The following SPIRE1 variants were observed in gnomAD, a reference collection of about 807,000 sequenced individuals.
SPIRE1 encodes spire type actin nucleation factor 1, also known as protein spire homolog 1.
In SPIRE1, 40 loss-of-function variants were observed where a neutral mutation model predicts 94.1. The observed-to-expected ratio is 0.43, with a 90% confidence interval of 0.33 to 0.55. SPIRE1 has a LOEUF of 0.55. Among genes scored for constraint, SPIRE1 ranks in the 20% least tolerant of loss-of-function variants. The pLI, the probability that SPIRE1 is intolerant of heterozygous loss-of-function variation, is 0.06. For missense variants in SPIRE1, 838 were observed against 975.2 expected (o/e 0.86, Z 1.87); for synonymous variants, 376 against 371.7 (o/e 1.01, Z -0.13).
rs370318744 is a variant in SPIRE1 at position 12,555,907 on chromosome 18, A to G, written c.373-9003T>C. On this transcript the variant is annotated intron_variant, in intron 2 of 16. Transcript: ENST00000409402. ...ACTTGCTTGCAGATGGTATGATCTTATATTTGGAAAAACCTAAATCTGAAC... is the reference window on the plus strand; with the variant it reads ...ACTTGCTTGCAGATGGTATGATCTTGTATTTGGAAAAACCTAAATCTGAAC... Among the ~76,000 whole-genome samples, 17 of 152,338 alleles carry G rather than the reference A, an allele frequency of 1.1e-4. No individual in the cohort carries two copies. In the Middle Eastern group the frequency reaches 0.01, roughly 91 times the overall value.
intron 6 of SPIRE1, among the ~76,000 whole-genome samples, chr18:12,500,645 A>G (rs559080974): frequency 1.3e-5 from 2 of 152,348 alleles, no homozygotes; most frequent in African/African-American, 4.8e-5. Flanking sequence ...CAGGTATTCA[A>G]ACAAAAATGC....
chr18:12,477,788 G>C (rs1334039562), intron 10 of SPIRE1, among the ~76,000 whole-genome samples: 1 of 152,162 alleles, frequency 6.6e-6, no homozygotes, highest in Non-Finnish European at 1.5e-5. Context: ...TAAGCACCAA[G>C]CTGAGCACCG....
At position 12,504,728 on chromosome 18, in the gene SPIRE1, A is replaced by G. The variant is rs542942769; in HGVS notation, c.972+1749T>C. ...AAGTTATTGTCTTTGTAAGGGAGAC[A>G]GACAATAAATCCGGAAATACACTGC... On this transcript the variant is annotated intron_variant, in intron 6 of 16. Transcript: ENST00000409402. 3.9e-5 allele frequency among the ~76,000 whole-genome samples: 6 copies of G among 152,334 alleles called. No homozygotes were observed. The East Asian group carries it at 1.2e-3, about 29-fold the overall frequency.
chr18:12,454,655 A>C, intron 12 of SPIRE1, 172 bp from the exon 13 acceptor site: 1 of 606,544 alleles, frequency 1.6e-6, no homozygotes, highest in Non-Finnish European at 2.9e-6. Context: ...TTCCAATTAC[A>C]CTAAGACTAA....
chr18:12,469,033 T>C (rs139987632), intron 10 of SPIRE1, among the ~76,000 whole-genome samples: 81 of 152,226 alleles, frequency 5.3e-4, no homozygotes, highest in African/African-American at 2.0e-3. Context: ...CACTGCCCTG[T>C]AGCCTGAGTG....
chr18:12,485,934 GT>G, intron 9 of SPIRE1, 24 bp downstream of exon 9: 1 of 1,518,030 alleles, frequency 6.6e-7, no homozygotes, highest in Non-Finnish European at 8.9e-7. Context: ...CACGTCAGGT[GT>G]AAAAGTGTTT....
intron 10 of SPIRE1, among the ~76,000 whole-genome samples, chr18:12,471,349 A>C (rs1010131009): frequency 6.6e-6 from 1 of 151,260 alleles, no homozygotes; most frequent in Non-Finnish European, 1.5e-5. Context: ...AAAATTTCTA[A>C]GGCCCCTTCC....
chr18:12,604,864 C>G (rs2036929619), intron 2 of SPIRE1, among the ~76,000 whole-genome samples: 1 of 152,168 alleles, frequency 6.6e-6, no homozygotes, highest in Admixed American at 6.5e-5. Context: ...GTCCACCAAA[C>G]AGATGGATAA....
intron 2 of SPIRE1, among the ~76,000 whole-genome samples, chr18:12,615,486 G>T (rs1357509671): frequency 1.5e-5 from 2 of 136,656 alleles, no homozygotes; most frequent in Admixed American, 1.6e-4. Context: ...GTTGCAGTGA[G>T]CCAAGATCTC....
chr18:12,545,923 T>C lies in SPIRE1; in HGVS notation c.603+751A>G, dbSNP rs551249156. Among the ~76,000 whole-genome samples the C allele has an allele frequency of 2.6e-4, 40 of 152,340 alleles. 1 individual carries two copies. Among genetic ancestry groups the C allele is most frequent in the South Asian group, 1.7e-3 (8 of 4,832 alleles). ...GGTTTCTTGAGTTATGATTCAATCA[T>C]AAATGTCCATGTTCAGGCTGCTGAC... On this transcript the variant is annotated intron_variant, in intron 3 of 16. Transcript: ENST00000409402.
At chr18:12,546,634 C>G in intron 3 of SPIRE1, 40 bp downstream of exon 3, 1 of 1,447,770 alleles carries the variant, frequency 6.9e-7, no homozygotes, top group Non-Finnish European at 9.7e-7. Flanking sequence ...GAAATAACAA[C>G]TCTTGAAAAA....
rs372623451 is a variant in SPIRE1, at chr18:12,465,004, C to T, written c.1405-46G>A. ...GAAATCGACTTCTTAGACATTTGTG[C>T]TCTAGTGCTACGTAATAACATTTTA... is the stretch of plus-strand genomic sequence containing the variant. On this transcript the variant is annotated intron_variant, in intron 10 of 16. Transcript: ENST00000409402. The T allele has an allele frequency of 7.3e-6, 11 of 1,500,650 alleles. No homozygotes were observed. In the African/African-American group the frequency reaches 8.3e-5, roughly 11 times the overall value. 93.0% of individuals were successfully genotyped at this position (1,500,650 alleles called of 1,614,324 possible).
In SPIRE1 at chr18:12,657,840, G is replaced by T; in HGVS notation, c.27C>A (p.Gly9=). 1 of 1,128,036 alleles carries T rather than the reference G, an allele frequency of 8.9e-7. No individual in the cohort carries two copies. The highest frequency in any genetic ancestry group is 1.1e-6 in the Non-Finnish European group (1 of 925,258). The allele number at this position is 1,128,036 out of a possible 1,614,324, so 69.9% of individuals were successfully genotyped here. ...CTGCCTCAGTCCGCGGCTCCCCGCC[G>T]CCCGCCGGGCCAGCCGCCTGAGCCA... MAQAAGPA[G]GGEPRTEAVG... The change falls in exon 1 of 17, where the codon GGC becomes GGA. Residue 9 remains glycine (G), a synonymous_variant. Coordinates refer to ENST00000409402, the MANE Select transcript of SPIRE1 (RefSeq NM_001128626.2).
chr18:12,579,498 G>T (rs2036202035), intron 2 of SPIRE1, among the ~76,000 whole-genome samples: 3 of 152,120 alleles, frequency 2.0e-5, no homozygotes, highest in African/African-American at 7.2e-5. Flanking sequence ...AAGGGGACTG[G>T]GAATTCCCAC....
At chr18:12,661,299 C>G, upstream of SPIRE1, 1 of 868,926 alleles carries the variant, frequency 1.2e-6, no homozygotes. Context: ...CAAGAGTGAG[C>G]CTTCATCTCA....
intron 3 of SPIRE1, among the ~76,000 whole-genome samples, chr18:12,539,346 G>GC (rs1455922956): frequency 1.3e-5 from 2 of 151,902 alleles, no homozygotes; most frequent in African/African-American, 4.8e-5. Context: ...CTCTTTTTTG[G>GC]CCTGCTGCCA....
intron 10 of SPIRE1, among the ~76,000 whole-genome samples, chr18:12,475,277 T>C (rs776575165): frequency 2.6e-5 from 4 of 152,246 alleles, no homozygotes; most frequent in African/African-American, 4.8e-5. Context: ...TGGTGTTTAC[T>C]GACTCACTGA....
At chr18:12,558,508 G>A (rs527979474) in intron 2 of SPIRE1, among the ~76,000 whole-genome samples, 1 of 152,298 alleles carries the variant, frequency 6.6e-6, no homozygotes, top group East Asian at 1.9e-4. Context: ...TGGGCAGCCT[G>A]CTTTTATTCT....
chr18:12,571,241 A>C (rs2035953139), intron 2 of SPIRE1, among the ~76,000 whole-genome samples: 1 of 151,946 alleles, frequency 6.6e-6, no homozygotes. Context: ...CGCTCGGCTA[A>C]TTTTTGTATT....
Sources: gnomAD v4.1 joint callset for allele counts (sites outside exome capture counted in the v4.1 genomes callset) on GRCh38, gnomAD v4.1.1 for gene constraint, MANE v1.5 for transcripts, NCBI Gene and HGNC (gene_info 2026-07-23, HGNC 2026-07-21) for gene names.